Variants in ATP10A observed in about 807,000 individuals in gnomAD.
The protein encoded by ATP10A is ATPase phospholipid transporting 10A (putative).
A neutral mutation model predicts 147.8 loss-of-function variants in ATP10A; 111 were observed. The ratio of observed to expected loss-of-function variants is 0.75; its 90% CI spans 0.64 to 0.88. The LOEUF (loss-of-function observed/expected upper bound fraction) is 0.88, where lower values mean the gene tolerates loss of function less well. Ranked by LOEUF, ATP10A falls within the 40% of genes least tolerant of loss-of-function variation. The pLI, the probability that ATP10A is intolerant of heterozygous loss-of-function variation, is 0.00. For synonymous variants in ATP10A, 875 were observed against 841.6 expected (o/e 1.04, Z -0.69); for missense variants, 1,927 against 1,959.0 (o/e 0.98, Z 0.31).
At chr15:25,704,445 AGTCAAAT>A (rs1456153217) in intron 12 of ATP10A, among the ~76,000 whole-genome samples, 1 of 152,200 alleles carries the variant, frequency 6.6e-6, no homozygotes, top group Non-Finnish European at 1.5e-5. Flanking sequence ...AAAGTCCCTC[AGTCAAAT>A]GTCTGCCAAG....
chr15:25,742,962 G>T (rs1029373584), intron 2 of ATP10A, among the ~76,000 whole-genome samples: 160 of 152,348 alleles, frequency 1.1e-3, no homozygotes, highest in African/African-American at 3.6e-3. Flanking sequence ...ACAGGTGGGG[G>T]TGATGGTGTG....
chr15:25,680,731 A>G, intron 19 of ATP10A, 79 bp downstream of exon 19: 2 of 1,357,284 alleles, frequency 1.5e-6, no homozygotes, highest in South Asian at 2.3e-5. Context: ...GACCTCCCAG[A>G]CCTCATGAAT....
At chr15:25,759,082 A>G (rs1331450721) in intron 2 of ATP10A, among the ~76,000 whole-genome samples, 2 of 152,254 alleles carry the variant, frequency 1.3e-5, no homozygotes, top group Non-Finnish European at 2.9e-5. Flanking sequence ...CAGGGATAAG[A>G]ACCCCTTCCC....
chr15:25,713,781 C>A lies in ATP10A; in HGVS notation c.2237G>T (p.Arg746Leu). ...LLHTLGFDSV[R>L]KRMSVVIRHP... ...CCGGATCACCACTGACATCCTCTTG[C>A]GGACGGAATCGAAACCCAGTGTGTG... The change falls in exon 10 of 21, where the codon CGC becomes CTC. Residue 746 changes from arginine (R) to leucine (L), a missense_variant. Physicochemically the swap from Arg to Leu is moderately radical, Grantham distance 102. Transcript: ENST00000555815. The A allele has an allele frequency of 3.1e-6, 5 of 1,614,120 alleles. No homozygotes were observed. Among genetic ancestry groups the A allele is most frequent in the Non-Finnish European group, 4.2e-6 (5 of 1,180,042 alleles).
intron 1 of ATP10A, among the ~76,000 whole-genome samples, chr15:25,794,700 G>A (rs1200224808): frequency 6.6e-6 from 1 of 152,210 alleles, no homozygotes; most frequent in Non-Finnish European, 1.5e-5. Flanking sequence ...ACTTTACCCG[G>A]TAATATTCCG....
At chr15:25,815,117 C>T (rs1013970310) in intron 1 of ATP10A, among the ~76,000 whole-genome samples, 4 of 152,104 alleles carry the variant, frequency 2.6e-5, no homozygotes, top group African/African-American at 7.2e-5. Flanking sequence ...ACTACCAGGT[C>T]GACATCACAC....
intron 15 of ATP10A, among the ~76,000 whole-genome samples, chr15:25,690,058 C>G (rs1899934045): frequency 6.6e-6 from 1 of 152,192 alleles, no homozygotes; most frequent in Non-Finnish European, 1.5e-5. Flanking sequence ...GGGGTTCCCC[C>G]GAACAGTCGA....
At chr15:25,779,760 T>C (rs892324044) in intron 2 of ATP10A, among the ~76,000 whole-genome samples, 1 of 152,198 alleles carries the variant, frequency 6.6e-6, no homozygotes, top group Non-Finnish European at 1.5e-5. Flanking sequence ...AAAAATACTA[T>C]TTTTAATTTT....
intron 1 of ATP10A, among the ~76,000 whole-genome samples, chr15:25,830,033 C>T (rs1003596786): frequency 2.0e-5 from 3 of 152,050 alleles, no homozygotes; most frequent in Non-Finnish European, 4.4e-5. Flanking sequence ...TAGGAGGCCT[C>T]GGTCACCATC....
intron 2 of ATP10A, among the ~76,000 whole-genome samples, chr15:25,774,140 T>C (rs1258477581): frequency 6.6e-6 from 1 of 152,198 alleles, no homozygotes. Flanking sequence ...GCTTTGGCTG[T>C]CTTTTTACTT....
At chr15:25,716,608 T>G (rs1901827054) in intron 9 of ATP10A, 122 bp downstream of exon 9, 1 of 983,080 alleles carries the variant, frequency 1.0e-6, no homozygotes, top group Middle Eastern at 2.5e-4. Flanking sequence ...CCCCCTTAGG[T>G]CACGATGTGC....
chr15:25,813,392 T>C (rs932598765), intron 1 of ATP10A, among the ~76,000 whole-genome samples: 4 of 152,348 alleles, frequency 2.6e-5, no homozygotes, highest in African/African-American at 9.6e-5. Context: ...CCACCTGTTC[T>C]GAGTAACTTC....
chr15:25,800,712 G>A (rs1178067220), intron 1 of ATP10A, among the ~76,000 whole-genome samples: 3 of 152,178 alleles, frequency 2.0e-5, no homozygotes, highest in African/African-American at 7.2e-5. Flanking sequence ...AGCTTTGTGT[G>A]GAAAGGTCTG....
At chr15:25,698,795 T>C (rs530531156) in intron 13 of ATP10A, among the ~76,000 whole-genome samples, 10 of 152,338 alleles carry the variant, frequency 6.6e-5, no homozygotes, top group Non-Finnish European at 1.3e-4. Context: ...AAATACATTT[T>C]CAACTTATGA....
At chr15:25,795,158 T>C (rs1424559589) in intron 1 of ATP10A, among the ~76,000 whole-genome samples, 1 of 152,210 alleles carries the variant, frequency 6.6e-6, no homozygotes, top group Non-Finnish European at 1.5e-5. Flanking sequence ...AGGTATCTTA[T>C]GTGACCGCGC....
intron 2 of ATP10A, among the ~76,000 whole-genome samples, chr15:25,750,356 A>G (rs1473896151): frequency 6.6e-6 from 1 of 152,142 alleles, no homozygotes; most frequent in Non-Finnish European, 1.5e-5. Context: ...ATTTTTCAAA[A>G]TAAAAAAGGA....
Position 25,725,982 on chromosome 15 carries a change from G to T in ATP10A, c.948C>A (p.Leu316=). 6.2e-7 allele frequency: 1 copy of T among 1,613,992 alleles called. No individual in the cohort carries two copies. Residue 316 remains leucine (L), a synonymous_variant, in exon 5 of 21, where the codon CTC becomes CTA. Coordinates refer to ENST00000555815, the MANE Select transcript of ATP10A (RefSeq NM_024490.4). ...CTGAAAACAGAGACATGCAAACAAG[G>T]AGCAGGACACACCAGAGCACGTCGC... ...MNCDVLWCVL[L]LVCMSLFSAV...
At chr15:25,853,417 C>A (rs74804050) in intron 1 of ATP10A, among the ~76,000 whole-genome samples, 1 of 152,276 alleles carries the variant, frequency 6.6e-6, no homozygotes, top group Non-Finnish European at 1.5e-5. Context: ...GTGGGGAAGC[C>A]CTGTCTTTAA....
chr15:25,694,686 T>C lies in ATP10A; in HGVS notation c.3088+133A>G, dbSNP rs896717646. 5 of 836,682 alleles carry C rather than the reference T, an allele frequency of 6.0e-6. No individual in the cohort carries two copies. The Admixed American group carries it at 1.2e-4, about 19-fold the overall frequency. 51.8% of individuals were successfully genotyped at this position (836,682 alleles called of 1,614,324 possible). On this transcript the variant is annotated intron_variant, in intron 14 of 20. Coordinates refer to ENST00000555815, the MANE Select transcript of ATP10A (RefSeq NM_024490.4). The stretch of plus-strand genomic sequence containing the variant: ...CCTTCGGAACATGTTGCCTGCTCTA[T>C]CACACTGGGTGTGATTTTACACACA...
Sources: allele counts gnomAD v4.1 joint callset (sites outside exome capture counted in the v4.1 genomes callset), GRCh38; gene constraint gnomAD v4.1.1; transcripts MANE v1.5; gene names NCBI Gene and HGNC (gene_info 2026-07-23, HGNC 2026-07-21).